MYO7B: variants seen among roughly 807,000 people sequenced by gnomAD.
MYO7B encodes the protein unconventional myosin-VIIb.
MYO7B carries 212 observed loss-of-function variants against 259.7 expected under a neutral mutation model. The observed-to-expected ratio is 0.82, with a 90% CI of 0.73 to 0.91. MYO7B has a LOEUF of 0.91. Ranked by LOEUF, MYO7B falls within the 40% of genes least tolerant of loss-of-function variation. The pLI, the probability that MYO7B is intolerant of heterozygous loss-of-function variation, is 0.00. For synonymous variants in MYO7B, 1,197 were observed against 1,166.4 expected, an observed-to-expected ratio of 1.03 and a Z score of -0.54; for missense variants, 2,732 against 2,813.5, an observed-to-expected ratio of 0.97 and a Z score of 0.66.
chr2:127,632,965 C>A (rs150060166), intron 39 of MYO7B, among the ~76,000 whole-genome samples: 1 of 152,196 alleles, frequency 6.6e-6, no homozygotes, highest in Non-Finnish European at 1.5e-5. Flanking sequence ...CCCTGTTGTG[C>A]GAGAATAAGA....
At chr2:127,562,681 T>A (rs1678155408) in intron 2 of MYO7B, among the ~76,000 whole-genome samples, 1 of 151,966 alleles carries the variant, frequency 6.6e-6, no homozygotes, top group South Asian at 2.1e-4. Context: ...AGAGATGGGG[T>A]TTCACTATGT....
intron 1 of MYO7B, among the ~76,000 whole-genome samples, chr2:127,544,619 C>T (rs1044444655): frequency 3.9e-5 from 5 of 128,746 alleles, no homozygotes; most frequent in Admixed American, 9.3e-5. Flanking sequence ...CTCGCTCTTT[C>T]GCCCAGGCTG....
intron 1 of MYO7B, among the ~76,000 whole-genome samples, chr2:127,549,400 A>T (rs1176386816): frequency 6.6e-6 from 1 of 152,158 alleles, no homozygotes; most frequent in African/African-American, 2.4e-5. Context: ...CTGAGGTAGA[A>T]ATGATCCCGT....
rs777036834 is a variant in MYO7B, at chr2:127,584,794, T to C, written c.1571T>C (p.Met524Thr). The C allele has an allele frequency of 1.2e-6, 2 of 1,613,974 alleles. No homozygotes were observed. Among genetic ancestry groups the C allele is most frequent in the Non-Finnish European group, 1.7e-6 (2 of 1,179,866 alleles). Residue 524 changes from methionine to threonine, a missense_variant, in exon 14 of 48, where the codon ATG becomes ACG. By Grantham distance (81) the Met-to-Thr change is moderately conservative. This residue lies in a region of MYO7B where 1,906 missense variants were observed against 2,026.4 expected (regional missense o/e 0.94). Coordinates refer to ENST00000409816, the MANE Select transcript of MYO7B (RefSeq NM_001393586.1). This position sits in a 1 kb window ranked among gnomAD's most constrained non-coding sequence, Gnocchi z 5.8. ...TTCTTCCAGGGGACAGATCTCACCA[T>C]GCTGCAAAAGCTGAACAGCGTCCAT... ...SRFPQGTDLTMLQKLNSVHAN... is the reference protein window; with the variant it reads ...SRFPQGTDLTTLQKLNSVHAN...
intron 26 of MYO7B, among the ~76,000 whole-genome samples, 155 bp downstream of exon 26, chr2:127,612,758 G>A (rs577508238): frequency 6.0e-4 from 91 of 152,290 alleles, no homozygotes; most frequent in Non-Finnish European, 1.0e-3. Flanking sequence ...CATAGCTACC[G>A]AGGGTTCTCT....
rs1409405997 is a variant in MYO7B, at chr2:127,635,101, A to G, written c.5714-19A>G. 5 of 1,598,146 alleles carry G rather than the reference A, an allele frequency of 3.1e-6. No individual in the cohort carries two copies. Among genetic ancestry groups the G allele is most frequent in the Non-Finnish European group, 4.3e-6 (5 of 1,170,912 alleles). On this transcript the variant is annotated intron_variant, in intron 42 of 47. Coordinates refer to ENST00000409816, the MANE Select transcript of MYO7B (RefSeq NM_001393586.1). ...ACCTGCTGGGACAGGCTTGGTGCCC[A>G]CTGCTGGCCCTCGCCCAGGGGCCCC...
At chr2:127,588,669 A>ACTTGGGAAT in intron 15 of MYO7B, 114 bp downstream of exon 15, 1 of 1,290,184 alleles carries the variant, frequency 7.8e-7, no homozygotes, top group Non-Finnish European at 1.1e-6. Flanking sequence ...TGCAGTTGGC[A>ACTTGGGAAT]CTTGGGAATC....
intron 1 of MYO7B, among the ~76,000 whole-genome samples, chr2:127,544,784 A>G (rs1044886077): frequency 2.6e-5 from 4 of 151,642 alleles, no homozygotes; most frequent in African/African-American, 7.3e-5. Context: ...GTTTCACCGT[A>G]TTAGCCAGGA....
Position 127,546,214 on chromosome 2 carries a change from G to T in MYO7B, c.-24+10383G>T, listed in dbSNP as rs1466381592. On this transcript the variant is annotated intron_variant, in intron 1 of 47. Transcript: ENST00000409816. The surrounding 1 kb of genome is among the most constrained non-coding windows in gnomAD (Gnocchi z 4.2). ...CCCCTTCCGGGCTGGTATCCCATAG[G>T]CCAGAGTCTCAATGTTAGCTTTGCT... is the stretch of plus-strand genomic sequence containing the variant. 6.6e-6 allele frequency among the ~76,000 whole-genome samples: 1 copy of T among 152,218 alleles called. No homozygotes were observed. The highest frequency in any genetic ancestry group is 2.4e-5 in the African/African-American group (1 of 41,462).
In MYO7B at chr2:127,559,246, G is replaced by A. The variant is rs145688250; in HGVS notation, c.-23-454G>A. Among the ~76,000 whole-genome samples the A allele has an allele frequency of 1.9e-3, 291 of 152,324 alleles. 1 individual carries two copies. The highest frequency in any genetic ancestry group is 6.6e-3 in the African/African-American group (274 of 41,570). ...TTCCCAGCTGTGCTACTAATTAACT[G>A]AGTGGCATTTCCTGCATTGAGTCCC... On this transcript the variant is annotated intron_variant, in intron 1 of 47. Coordinates refer to ENST00000409816, the MANE Select transcript of MYO7B (RefSeq NM_001393586.1). The surrounding 1 kb of genome is among the most constrained non-coding windows in gnomAD (Gnocchi z 4.1).
In MYO7B at chr2:127,565,937, G is replaced by T. The variant is rs1026467343; in HGVS notation, c.285+552G>T. Among the ~76,000 whole-genome samples, 20 of 152,254 alleles carry T rather than the reference G, an allele frequency of 1.3e-4. 1 individual carries two copies. The highest frequency in any genetic ancestry group is 4.8e-4 in the African/African-American group (20 of 41,480). On this transcript the variant is annotated intron_variant, in intron 4 of 47. Coordinates refer to ENST00000409816, the MANE Select transcript of MYO7B (RefSeq NM_001393586.1). ...CACCAGTTCGGCCTAAGTAGGTGTG[G>T]CCTGCAGAAGCCACTGCCTGCCTGG...
intron 2 of MYO7B, among the ~76,000 whole-genome samples, chr2:127,560,526 G>A (rs565423880): frequency 3.9e-5 from 6 of 152,326 alleles, no homozygotes; most frequent in Non-Finnish European, 7.3e-5. Context: ...AGAAAGCAGA[G>A]GAGTTTTGCA....
In MYO7B at chr2:127,569,688, G is replaced by A. The variant is rs984986653; in HGVS notation, c.471-101G>A. 2.1e-6 allele frequency: 3 copies of A among 1,439,596 alleles called. No individual in the cohort carries two copies. In the African/African-American group the frequency reaches 4.3e-5, roughly 20 times the overall value. 89.2% of individuals were successfully genotyped at this position (1,439,596 alleles called of 1,614,324 possible). A position where few individuals can be genotyped will look rare whatever the true frequency, so the allele number is the denominator to read the frequency against. On this transcript the variant is annotated intron_variant, in intron 5 of 47. Coordinates refer to ENST00000409816, the MANE Select transcript of MYO7B (RefSeq NM_001393586.1). ...TGCAGGGGAGAGGCCATCCCTGTCA[G>A]ACTGGCTCAGAAAGCAGGACTGGGG...
chr2:127,540,145 G>A (rs904025770), intron 1 of MYO7B, among the ~76,000 whole-genome samples: 10 of 150,442 alleles, frequency 6.6e-5, no homozygotes, highest in Non-Finnish European at 1.3e-4. Context: ...AAACATGCAC[G>A]TGCAATTGTC....
At chr2:127,568,641 A>T (rs1304382443) in intron 5 of MYO7B, among the ~76,000 whole-genome samples, 6 of 152,212 alleles carry the variant, frequency 3.9e-5, no homozygotes, top group Admixed American at 3.3e-4. Flanking sequence ...TCACGCTTGT[A>T]ATCCCAGCAC....
intron 27 of MYO7B, among the ~76,000 whole-genome samples, chr2:127,621,205 A>G (rs1680821071): frequency 6.6e-6 from 1 of 151,596 alleles, no homozygotes; most frequent in Non-Finnish European, 1.5e-5. Context: ...GACAAAAAGA[A>G]CTTCAATGTG....
In MYO7B at chr2:127,590,403, A is replaced by G. The variant is rs1251551368; in HGVS notation, c.1992+174A>G. 6.6e-6 allele frequency among the ~76,000 whole-genome samples: 1 copy of G among 152,216 alleles called. No homozygotes were observed. ...GACCAGACTAGGTCATGTGAAGGTCAGTGACCTGCAGAGCTTTGGGTTGCT... is the reference window on the plus strand; with the variant it reads ...GACCAGACTAGGTCATGTGAAGGTCGGTGACCTGCAGAGCTTTGGGTTGCT... On this transcript the variant is annotated intron_variant, in intron 16 of 47. Transcript: ENST00000409816. The surrounding 1 kb of genome is among the most constrained non-coding windows in gnomAD (Gnocchi z 4.6).
chr2:127,553,046 A>G (rs114101682), intron 1 of MYO7B, among the ~76,000 whole-genome samples: 607 of 152,230 alleles, frequency 4.0e-3, no homozygotes, highest in Middle Eastern at 0.014. Flanking sequence ...TTCTTCTCAG[A>G]GCTTCCTCCG....
At chr2:127,594,040 C>T (rs1456991408) in intron 18 of MYO7B, among the ~76,000 whole-genome samples, 1 of 152,264 alleles carries the variant, frequency 6.6e-6, no homozygotes, top group Non-Finnish European at 1.5e-5. Context: ...CTTCCCTACA[C>T]TGGGGAGGCC....
Sources: allele counts gnomAD v4.1 joint callset (sites outside exome capture counted in the v4.1 genomes callset), GRCh38; gene constraint gnomAD v4.1.1; regional missense constraint gnomAD v4.1.1; non-coding constraint Gnocchi (gnomAD v3.1); transcripts MANE v1.5; gene names NCBI Gene and HGNC (gene_info 2026-07-23, HGNC 2026-07-21).